The following ZBBX variants were observed in gnomAD, a reference collection of about 807,000 sequenced individuals.
ZBBX encodes zinc finger B-box domain-containing protein 1.
In ZBBX, 101 loss-of-function variants were observed where a neutral mutation model predicts 108.5. That is an observed-to-expected ratio of 0.93 (90% CI 0.79 to 1.10). The LOEUF is 1.10. Ranked by LOEUF, ZBBX falls within the 50% of genes least tolerant of loss-of-function variation. The probability of loss-of-function intolerance (pLI) is 0.00; values close to 1 mark genes in which losing one functional copy is unlikely to be tolerated. For missense variants in ZBBX, 1,009 were observed against 941.4 expected, an observed-to-expected ratio of 1.07 and a Z score of -0.94; for synonymous variants, 356 against 323.4, an observed-to-expected ratio of 1.10 and a Z score of -1.08.
the ZBBX span, among the ~76,000 whole-genome samples, chr3:167,218,322 T>C: frequency 1.0e-3 from 158 of 152,186 alleles, 1 homozygote; most frequent in Non-Finnish European, 2.4e-4. Context: ...CAGAAAAACA[T>C]AGAATATTAT....
chr3:167,267,780 C>T (rs569103384), intron 20 of ZBBX, among the ~76,000 whole-genome samples: 1 of 152,230 alleles, frequency 6.6e-6, no homozygotes, highest in South Asian at 2.1e-4. Flanking sequence ...AGGGAAAAGC[C>T]CGATCTAGCA....
rs78502457 is a variant in ZBBX, at chr3:167,315,488, G to C, written c.1274+262C>G. ...CATTTCAGAGGATAACAACCCCTAA[G>C]TTCAGAAGAATGTATTAAATAATCC... On this transcript the variant is annotated intron_variant, in intron 15 of 21. Coordinates refer to ENST00000675490, the MANE Select transcript of ZBBX (RefSeq NM_001199201.2). Among the ~76,000 whole-genome samples, 7,683 of 152,146 alleles carry C rather than the reference G, an allele frequency of 0.05. 531 individuals carry two copies. The highest frequency in any genetic ancestry group is 0.15 in the African/African-American group (6,429 of 41,488).
intron 1 of ZBBX, among the ~76,000 whole-genome samples, chr3:167,390,326 T>TCTGTTTTGGTACCAGTGCCATG (rs1281922143): frequency 6.6e-5 from 10 of 152,136 alleles, no homozygotes; most frequent in African/African-American, 2.2e-4. Context: ...GGTCTATATA[T>TCTGTTTTGGTACCAGTGCCATG]CTGTTTTGGT....
At chr3:167,269,345 T>C (rs944310619) in intron 20 of ZBBX, among the ~76,000 whole-genome samples, 1 of 152,252 alleles carries the variant, frequency 6.6e-6, no homozygotes, top group Non-Finnish European at 1.5e-5. Flanking sequence ...AGTTAAATTC[T>C]AAGATTGATT....
chr3:167,372,614 C>A (rs1746325914), intron 4 of ZBBX, among the ~76,000 whole-genome samples: 1 of 152,012 alleles, frequency 6.6e-6, no homozygotes. Flanking sequence ...AGGTAATGAA[C>A]CAAACCTTTA....
intron 12 of ZBBX, among the ~76,000 whole-genome samples, chr3:167,320,271 C>T (rs1056128592): frequency 7.3e-6 from 1 of 137,566 alleles, no homozygotes; most frequent in African/African-American, 2.7e-5. Flanking sequence ...TTGATGACAA[C>T]AAATCAAAAG....
At chr3:167,363,038 AC>A (rs2108553271) in intron 6 of ZBBX, among the ~76,000 whole-genome samples, 1 of 151,896 alleles carries the variant, frequency 6.6e-6, no homozygotes, top group South Asian at 2.1e-4. Flanking sequence ...CAGCCACCTC[AC>A]CATTATAACC....
rs201975475 is a variant in ZBBX at position 167,317,101 on chromosome 3, C to T, written c.1098G>A (p.Glu366=). 123 of 1,588,558 alleles carry T rather than the reference C, an allele frequency of 7.7e-5. No individual in the cohort carries two copies. Among genetic ancestry groups the T allele is most frequent in the Non-Finnish European group, 9.4e-5 (109 of 1,161,182 alleles). The change falls in exon 14 of 22, where the codon GAG becomes GAA. Residue 366 remains glutamate, a synonymous_variant. Coordinates refer to ENST00000675490, the MANE Select transcript of ZBBX (RefSeq NM_001199201.2). Reference sequence around the variant, plus strand: ...GAGCTGTGTGTTGTACTTTGGTCTCCTCACCTAGGAAATAAGATTCACAAA... The same window carrying T: ...GAGCTGTGTGTTGTACTTTGGTCTCTTCACCTAGGAAATAAGATTCACAAA... ...QNENDEDSDG[E]ETKVQHTALL...
chr3:167,241,070 G>T, intron 21 of ZBBX, 151 bp from the exon 22 acceptor site: 1 of 725,806 alleles, frequency 1.4e-6, no homozygotes, highest in Non-Finnish European at 2.1e-6. Context: ...TTTTCAATGT[G>T]CCCAATATAC....
At chr3:167,295,009 T>C (rs1731378651) in intron 18 of ZBBX, among the ~76,000 whole-genome samples, 1 of 152,104 alleles carries the variant, frequency 6.6e-6, no homozygotes, top group South Asian at 2.1e-4. Flanking sequence ...CTTACGCCAG[T>C]TAGAATGGTG....
the ZBBX span, among the ~76,000 whole-genome samples, chr3:167,213,035 A>G: frequency 2.5e-4 from 38 of 149,104 alleles, no homozygotes; most frequent in African/African-American, 9.1e-4. Context: ...TTATAAGTCT[A>G]TTGACTGGGC....
the ZBBX span, among the ~76,000 whole-genome samples, chr3:167,204,538 AT>A: frequency 6.7e-6 from 1 of 148,580 alleles, no homozygotes; most frequent in Non-Finnish European, 1.5e-5. Flanking sequence ...GATGGTTTCC[AT>A]TTTCATCCAT....
At chr3:167,228,384 G>A in the ZBBX span, among the ~76,000 whole-genome samples, 18 of 151,676 alleles carry the variant, frequency 1.2e-4, no homozygotes, top group Admixed American at 2.6e-4. Flanking sequence ...ACATGTGCAC[G>A]GTAGTATTCC....
At chr3:167,274,391 C>T (rs1018931775) in intron 20 of ZBBX, among the ~76,000 whole-genome samples, 1 of 152,186 alleles carries the variant, frequency 6.6e-6, no homozygotes, top group Non-Finnish European at 1.5e-5. Context: ...TAAAACCTCC[C>T]TTAGTTCTCC....
chr3:167,279,194 A>T (rs1270778282), intron 20 of ZBBX, among the ~76,000 whole-genome samples: 1 of 152,146 alleles, frequency 6.6e-6, no homozygotes, highest in African/African-American at 2.4e-5. Flanking sequence ...CTGGCACAAG[A>T]CAGGGATTCT....
the ZBBX span, among the ~76,000 whole-genome samples, chr3:167,234,395 A>T: frequency 6.6e-6 from 1 of 151,916 alleles, no homozygotes; most frequent in Non-Finnish European, 1.5e-5. Context: ...GCCTTAGCCC[A>T]AAGACTGAAT....
chr3:167,303,190 C>T (rs531144889), intron 17 of ZBBX, among the ~76,000 whole-genome samples: 1 of 152,208 alleles, frequency 6.6e-6, no homozygotes, highest in African/African-American at 2.4e-5. Context: ...TTTCTATGGT[C>T]CCCTTTTCCT....
At chr3:167,279,490 A>T (rs1728354013) in intron 20 of ZBBX, among the ~76,000 whole-genome samples, 1 of 151,348 alleles carries the variant, frequency 6.6e-6, no homozygotes, top group Non-Finnish European at 1.5e-5. Context: ...GTGAACTCCC[A>T]TTCACAATTG....
intron 2 of ZBBX, among the ~76,000 whole-genome samples, chr3:167,374,657 G>A (rs1190345182): frequency 1.3e-5 from 2 of 152,108 alleles, no homozygotes; most frequent in Admixed American, 1.3e-4. Context: ...CAAGGCCCAG[G>A]GAGGTTTGTT....
Sources: gnomAD v4.1 joint callset for allele counts (sites outside exome capture counted in the v4.1 genomes callset) on GRCh38, gnomAD v4.1.1 for gene constraint, MANE v1.5 for transcripts, NCBI Gene and HGNC (gene_info 2026-07-23, HGNC 2026-07-21) for gene names.